The following NLGN1 variants were observed in gnomAD, a reference collection of about 807,000 sequenced individuals.
The protein encoded by NLGN1 is neuroligin 1.
NLGN1 carries 12 observed loss-of-function variants against 65.5 expected under a neutral mutation model. The observed-to-expected ratio is 0.18, with a 90% CI of 0.12 to 0.30. The LOEUF (loss-of-function observed/expected upper bound fraction) is 0.30, where lower values mean the gene tolerates loss of function less well. Ranked by LOEUF, NLGN1 falls within the 10% of genes least tolerant of loss-of-function variation. The pLI, the probability that NLGN1 is intolerant of heterozygous loss-of-function variation, is 1.00. For missense variants in NLGN1, 750 were observed against 1,007.1 expected (o/e 0.74, Z 3.46); for synonymous variants, 350 against 359.5 (o/e 0.97, Z 0.30).
chr3:174,280,350 C>T lies in NLGN1; in HGVS notation c.1650-131C>T. Reference sequence around the variant, plus strand: ...TAGGAGATTTATATTTCTAAATTGACCCAAATTAATGTTAAAACACAATCT... The same window carrying T: ...TAGGAGATTTATATTTCTAAATTGATCCAAATTAATGTTAAAACACAATCT... On this transcript the variant is annotated intron_variant, in intron 6 of 6. Coordinates refer to ENST00000457714, the Ensembl canonical transcript of NLGN1. The surrounding 1 kb of genome is among the most constrained non-coding windows in gnomAD (Gnocchi z 4.9). 1.5e-6 allele frequency: 1 copy of T among 663,224 alleles called. No individual in the cohort carries two copies. The highest frequency in any genetic ancestry group is 2.5e-6 in the Non-Finnish European group (1 of 400,022). 41.1% of individuals were successfully genotyped at this position (663,224 alleles called of 1,614,324 possible). A position where few individuals can be genotyped will look rare whatever the true frequency, so the allele number is the denominator to read the frequency against.
At chr3:173,810,284 G>C (rs1717618530) in intron 4 of NLGN1, among the ~76,000 whole-genome samples, 1 of 152,196 alleles carries the variant, frequency 6.6e-6, no homozygotes, top group South Asian at 2.1e-4. Context: ...AAAGACTGTA[G>C]ACTTTTGAGA....
intron 2 of NLGN1, among the ~76,000 whole-genome samples, chr3:173,447,320 G>A (rs1340527237): frequency 1.3e-5 from 2 of 152,126 alleles, no homozygotes; most frequent in Non-Finnish European, 2.9e-5. Context: ...ATTAAATAGG[G>A]AATCCTTTCC....
intron 3 of NLGN1, among the ~76,000 whole-genome samples, chr3:173,789,140 A>C (rs1315623128): frequency 6.6e-6 from 1 of 151,896 alleles, no homozygotes; most frequent in Non-Finnish European, 1.5e-5. Flanking sequence ...CAGAGGTTGC[A>C]GTGAGCTGAG....
At chr3:173,435,618 C>T (rs1045890364) in intron 2 of NLGN1, among the ~76,000 whole-genome samples, 23 of 152,074 alleles carry the variant, frequency 1.5e-4, no homozygotes, top group African/African-American at 1.2e-4. Flanking sequence ...GGGCATATCA[C>T]GAGGTCAGGA....
chr3:173,530,018 C>T (rs745470464), intron 2 of NLGN1, among the ~76,000 whole-genome samples: 8 of 150,774 alleles, frequency 5.3e-5, no homozygotes, highest in Non-Finnish European at 1.0e-4. Flanking sequence ...AGTGCAGTGG[C>T]GCGATCTCAG....
At chr3:174,080,735 G>A (rs534017441) in intron 4 of NLGN1, among the ~76,000 whole-genome samples, 1 of 151,914 alleles carries the variant, frequency 6.6e-6, no homozygotes, top group Non-Finnish European at 1.5e-5. Flanking sequence ...TTATCAGGAG[G>A]CTGCTGATCA....
chr3:174,125,508 G>A (rs544525676), intron 4 of NLGN1, among the ~76,000 whole-genome samples: 1 of 152,112 alleles, frequency 6.6e-6, no homozygotes, highest in South Asian at 2.1e-4. Context: ...GAGTTTAGGT[G>A]GGGGAGCTGT....
intron 4 of NLGN1, among the ~76,000 whole-genome samples, chr3:173,927,724 AAC>A (rs145960368): frequency 1.8e-4 from 27 of 151,282 alleles, no homozygotes; most frequent in Admixed American, 6.6e-5. Context: ...CGCTCCAGAA[AAC>A]ACACACACAC....
At chr3:173,994,385 G>A (rs890128440) in intron 4 of NLGN1, among the ~76,000 whole-genome samples, 1 of 146,082 alleles carries the variant, frequency 6.8e-6, no homozygotes, top group Non-Finnish European at 1.5e-5. Flanking sequence ...ACGAGCCACT[G>A]TGCCCAGCAA....
chr3:173,529,477 G>A (rs978178302), intron 2 of NLGN1, among the ~76,000 whole-genome samples: 26 of 152,268 alleles, frequency 1.7e-4, no homozygotes, highest in Admixed American at 1.6e-3. Context: ...GGGTGACAGT[G>A]GGGGCTCCTG....
rs77799594 is a variant in NLGN1 at position 174,042,895 on chromosome 3, T to C, written c.647-232420T>C. On this transcript the variant is annotated intron_variant, in intron 4 of 6. Transcript: ENST00000457714. The stretch of plus-strand genomic sequence containing the variant: ...GCTATGATGCCCTGTATTAGTTCCT[T>C]CTCATGCTGCTATGAAGGAATACCT... 2.6e-3 allele frequency among the ~76,000 whole-genome samples: 398 copies of C among 152,210 alleles called. 2 individuals carry two copies. Among genetic ancestry groups the C allele is most frequent in the African/African-American group, 8.9e-3 (371 of 41,522 alleles).
chr3:173,491,802 C>T lies in NLGN1; in HGVS notation c.-321+56724C>T, dbSNP rs1271707885. On this transcript the variant is annotated intron_variant, in intron 2 of 6. Transcript: ENST00000457714. ...CTGAGCATTATTTCCTTTACTAAATCTGCTCCTAATTTAGCTCCCTATAGA... is the reference window on the plus strand; with the variant it reads ...CTGAGCATTATTTCCTTTACTAAATTTGCTCCTAATTTAGCTCCCTATAGA... Among the ~76,000 whole-genome samples, 4 of 151,678 alleles carry T rather than the reference C, an allele frequency of 2.6e-5. 1 individual carries two copies. The highest frequency in any genetic ancestry group is 9.7e-5 in the African/African-American group (4 of 41,066).
At chr3:173,442,523 T>C (rs1719395216) in intron 2 of NLGN1, among the ~76,000 whole-genome samples, 1 of 152,184 alleles carries the variant, frequency 6.6e-6, no homozygotes, top group Non-Finnish European at 1.5e-5. Flanking sequence ...TTTTGTAACT[T>C]CACTTTGTTA....
intron 3 of NLGN1, among the ~76,000 whole-genome samples, chr3:173,780,142 C>T (rs927933247): frequency 6.6e-6 from 1 of 152,176 alleles, no homozygotes; most frequent in Non-Finnish European, 1.5e-5. Context: ...TTACAGTTGA[C>T]ACTTTATCCT....
At chr3:173,634,708 CT>C (rs1756302506) in intron 3 of NLGN1, among the ~76,000 whole-genome samples, 1 of 152,008 alleles carries the variant, frequency 6.6e-6, no homozygotes, top group Admixed American at 6.6e-5. Flanking sequence ...ACTGTTCTTA[CT>C]AAGAACTATA....
At chr3:173,565,454 T>A (rs754244738) in intron 2 of NLGN1, among the ~76,000 whole-genome samples, 1 of 152,168 alleles carries the variant, frequency 6.6e-6, no homozygotes. Flanking sequence ...TGAATTCCTA[T>A]TTGGTCTACT....
chr3:173,926,467 C>A (rs1483350628), intron 4 of NLGN1, among the ~76,000 whole-genome samples: 5 of 152,156 alleles, frequency 3.3e-5, no homozygotes, highest in Non-Finnish European at 1.5e-5. Context: ...GTCCCATGGT[C>A]TAATCCCAAT....
At chr3:173,641,384 G>T (rs1757399406) in intron 3 of NLGN1, among the ~76,000 whole-genome samples, 1 of 152,058 alleles carries the variant, frequency 6.6e-6, no homozygotes, top group South Asian at 2.1e-4. Flanking sequence ...CACGATCTCG[G>T]CTCACTGCCA....
At chr3:173,594,240 A>G (rs948891691) in intron 2 of NLGN1, among the ~76,000 whole-genome samples, 2 of 152,230 alleles carry the variant, frequency 1.3e-5, no homozygotes, top group South Asian at 2.1e-4. Context: ...TAAAATCAAA[A>G]GCAAGCTAGT....
Sources: allele counts gnomAD v4.1 joint callset (sites outside exome capture counted in the v4.1 genomes callset), GRCh38; gene constraint gnomAD v4.1.1; non-coding constraint Gnocchi (gnomAD v3.1); transcripts MANE v1.5; gene names NCBI Gene and HGNC (gene_info 2026-07-23, HGNC 2026-07-21).